OR14A2: variants seen among roughly 807,000 people sequenced by gnomAD.
OR14A2 encodes olfactory receptor 14A2.
For missense variants in OR14A2, 237 were observed against 152.9 expected, an observed-to-expected ratio of 1.55 and a Z score of -2.90; for synonymous variants, 114 against 58.6, an observed-to-expected ratio of 1.95 and a Z score of -4.32.
the OR14A2 span, among the ~76,000 whole-genome samples, chr1:247,731,290 T>G: frequency 2.0e-5 from 3 of 152,044 alleles, no homozygotes; most frequent in Non-Finnish European, 2.9e-5. Context: ...GCTGAGGATG[T>G]TTTTCTGTTC....
chr1:247,738,677 C>T, the OR14A2 span: 32 of 780,780 alleles, frequency 4.1e-5, no homozygotes, highest in South Asian at 4.2e-4. Flanking sequence ...ATTGGGTGCT[C>T]CTGAGGCTGC....
the OR14A2 span, chr1:247,739,300 GAC>G: frequency 1.3e-6 from 1 of 780,830 alleles, no homozygotes; most frequent in East Asian, 2.4e-5. Flanking sequence ...ATATCACAGA[GAC>G]AGAGACAATC....
chr1:247,723,076 A>G (rs1321179950), downstream of OR14A2: 1 of 693,160 alleles, frequency 1.4e-6, no homozygotes, highest in South Asian at 1.6e-5. Context: ...AAGGCACTGT[A>G]TCACTGACAG....
At chr1:247,738,586 A>T in the OR14A2 span, 1 of 737,418 alleles carries the variant, frequency 1.4e-6, no homozygotes, top group Non-Finnish European at 2.5e-6. Context: ...ATTTTCCTTT[A>T]CTCCATAGGG....
chr1:247,737,473 A>G, the OR14A2 span, among the ~76,000 whole-genome samples: 1 of 152,204 alleles, frequency 6.6e-6, no homozygotes, highest in Non-Finnish European at 1.5e-5. Context: ...GCAATAATGG[A>G]GAGCCTGACT....
chr1:247,736,375 A>C, the OR14A2 span, among the ~76,000 whole-genome samples: 1 of 152,156 alleles, frequency 6.6e-6, no homozygotes, highest in South Asian at 2.1e-4. Flanking sequence ...TCCCAGTTTT[A>C]GATTGATTGA....
At chr1:247,747,307 C>G in the OR14A2 span, among the ~76,000 whole-genome samples, 1 of 151,710 alleles carries the variant, frequency 6.6e-6, no homozygotes, top group South Asian at 2.1e-4. Flanking sequence ...GGGACAAAGA[C>G]ATTCTTTCCC....
chr1:247,723,404 T>C (rs1272103440), exon 1 of OR14A2: 1 of 717,416 alleles, frequency 1.4e-6, no homozygotes, highest in African/African-American at 1.7e-5. Context: ...ATGTAAGAGA[T>C]CACAATACAG....
chr1:247,742,370 G>A, the OR14A2 span, among the ~76,000 whole-genome samples: 17 of 134,284 alleles, frequency 1.3e-4, 1 homozygote, highest in East Asian at 2.8e-3. Context: ...GATAATACAC[G>A]CACACACACA....
upstream of OR14A2, among the ~76,000 whole-genome samples, chr1:247,728,907 A>G (rs1024909453): frequency 2.6e-5 from 4 of 152,036 alleles, no homozygotes; most frequent in Non-Finnish European, 4.4e-5. Context: ...AAAACAAAAC[A>G]TCTAGCTTCC....
At chr1:247,726,247 C>T (rs1366061374), upstream of OR14A2, among the ~76,000 whole-genome samples, 1 of 124,272 alleles carries the variant, frequency 8.0e-6, no homozygotes, top group Non-Finnish European at 1.6e-5. Flanking sequence ...GATGGTATCT[C>T]ATAGTGGTTT....
chr1:247,740,990 A>T, the OR14A2 span, among the ~76,000 whole-genome samples: 1 of 152,226 alleles, frequency 6.6e-6, no homozygotes, highest in African/African-American at 2.4e-5. Context: ...TATGCTCACT[A>T]CAGCATCTTT....
chr1:247,734,467 T>C, the OR14A2 span, among the ~76,000 whole-genome samples: 1 of 152,180 alleles, frequency 6.6e-6, no homozygotes, highest in Non-Finnish European at 1.5e-5. Flanking sequence ...TCATGAAGTA[T>C]CTACTGATTA....
the OR14A2 span, among the ~76,000 whole-genome samples, chr1:247,742,667 T>G: frequency 2.6e-4 from 39 of 152,292 alleles, 1 homozygote; most frequent in Admixed American, 6.5e-4. Context: ...TCAATCAATA[T>G]GATAAAATAA....
the OR14A2 span, among the ~76,000 whole-genome samples, chr1:247,736,171 C>T: frequency 6.6e-5 from 10 of 150,386 alleles, no homozygotes; most frequent in East Asian, 1.4e-3. Context: ...CTCCCCTCCC[C>T]TCTCCTCTCC....
chr1:247,744,158 G>A, the OR14A2 span, among the ~76,000 whole-genome samples: 7 of 152,112 alleles, frequency 4.6e-5, no homozygotes, highest in Admixed American at 6.6e-5. This position sits in a 1 kb window ranked among gnomAD's most constrained non-coding sequence, Gnocchi z 4.3. Flanking sequence ...GTGTTCTAAT[G>A]ATTGTAATTC....
At chr1:247,742,132 A>G in the OR14A2 span, among the ~76,000 whole-genome samples, 1 of 152,238 alleles carries the variant, frequency 6.6e-6, no homozygotes, top group Non-Finnish European at 1.5e-5. Flanking sequence ...GGGTTTATGG[A>G]AAAGTCTGAA....
At chr1:247,740,350 A>G in the OR14A2 span, among the ~76,000 whole-genome samples, 1 of 152,144 alleles carries the variant, frequency 6.6e-6, no homozygotes, top group Non-Finnish European at 1.5e-5. Context: ...TAAAGTTATG[A>G]TTTCAACTTA....
At chr1:247,745,050 G>A in the OR14A2 span, among the ~76,000 whole-genome samples, 1 of 152,120 alleles carries the variant, frequency 6.6e-6, no homozygotes, top group Admixed American at 6.6e-5. Context: ...AGACATGACT[G>A]TTATTGCACT....
Sources: allele counts gnomAD v4.1 joint callset (sites outside exome capture counted in the v4.1 genomes callset), GRCh38; gene constraint gnomAD v4.1.1; non-coding constraint Gnocchi (gnomAD v3.1); transcripts MANE v1.5; gene names NCBI Gene and HGNC (gene_info 2026-07-23, HGNC 2026-07-21).